Variants in ARVCF observed in about 807,000 individuals in gnomAD.
ARVCF encodes splicing regulator ARVCF.
A neutral mutation model predicts 90.9 loss-of-function variants in ARVCF; 66 were observed. The ratio of observed to expected loss-of-function variants is 0.73; its 90% CI spans 0.60 to 0.89. The LOEUF is 0.89. Among genes scored for constraint, ARVCF ranks in the 40% least tolerant of loss-of-function variants. The probability of loss-of-function intolerance (pLI) is 0.00; values close to 1 mark genes in which losing one functional copy is unlikely to be tolerated. For missense variants in ARVCF, 1,469 were observed against 1,382.3 expected (o/e 1.06, Z -1.00); for synonymous variants, 653 against 603.4 (o/e 1.08, Z -1.21).
downstream of ARVCF, chr22:19,967,572 C>A (rs1319333920): frequency 5.4e-6 from 2 of 367,454 alleles, no homozygotes; most frequent in Non-Finnish European, 1.1e-5. Context: ...CCGCCACCCA[C>A]CACCAGGACA....
chr22:20,004,836 C>T (rs1040430323), intron 2 of ARVCF, among the ~76,000 whole-genome samples: 3 of 152,178 alleles, frequency 2.0e-5, no homozygotes, highest in African/African-American at 7.2e-5. Context: ...TGGATACACA[C>T]ACGTAAATGA....
chr22:19,967,142 C>A (rs1242890164), downstream of ARVCF: 2 of 1,298,932 alleles, frequency 1.5e-6, no homozygotes, highest in Non-Finnish European at 2.0e-6. Context: ...TTCCCTCCTT[C>A]TTTCCTGTTT....
intron 2 of ARVCF, among the ~76,000 whole-genome samples, chr22:19,999,385 T>C (rs1222583288): frequency 6.6e-6 from 1 of 152,182 alleles, no homozygotes; most frequent in Non-Finnish European, 1.5e-5. Context: ...CATCCTTTTG[T>C]AGGCAAATCT....
chr22:20,011,095 C>G (rs2238794), intron 1 of ARVCF, among the ~76,000 whole-genome samples: 49,483 of 152,156 alleles, frequency 0.33, 8,482 homozygotes, highest in Middle Eastern at 0.39. Flanking sequence ...AACCATTTGT[C>G]TGGGATGGGG....
At chr22:19,980,321 T>C in intron 5 of ARVCF, 79 bp from the exon 6 acceptor site, 1 of 1,459,544 alleles carries the variant, frequency 6.9e-7, no homozygotes, top group South Asian at 1.4e-5. Context: ...TCACACCTTC[T>C]TCAGGACTGC....
At position 19,970,095 on chromosome 22, in the gene ARVCF, G is replaced by C. The variant is rs372019676; in HGVS notation, c.*661C>G. On this transcript the variant is annotated 3_prime_UTR_variant, in exon 20 of 20. Transcript: ENST00000263207. ...TGCTGCCCAGGCTCCAGGCAGATGC[G>C]GCAGCCCCGGCCCCAGCCAGCATGG... The C allele has an allele frequency of 1.2e-4, 118 of 985,398 alleles. No individual in the cohort carries two copies. The highest frequency in any genetic ancestry group is 1.4e-4 in the Non-Finnish European group (116 of 829,952). 61.0% of individuals were successfully genotyped at this position (985,398 alleles called of 1,614,324 possible). A position where few individuals can be genotyped will look rare whatever the true frequency, so the allele number is the denominator to read the frequency against.
intron 18 of ARVCF, 50 bp from the exon 19 acceptor site, chr22:19,971,385 A>AGGG: frequency 6.6e-7 from 1 of 1,521,960 alleles, no homozygotes; most frequent in Non-Finnish European, 8.8e-7. Context: ...GGTTAGTTAG[A>AGGG]GCTCCTGGGG....
rs1452460391 is a variant in ARVCF at position 19,976,691 on chromosome 22, TA to T, written c.1888+14del. Reference sequence around the variant, plus strand: ...CACACGCCAGGCCTGGAGAGCAGGATAAAAAGGGACTCACCTTGGTGGAACC... The same window carrying T: ...CACACGCCAGGCCTGGAGAGCAGGATAAAAGGGACTCACCTTGGTGGAACC... On this transcript the variant is annotated intron_variant, in intron 10 of 19. Transcript: ENST00000263207. 1 of 1,557,070 alleles carries T rather than the reference TA, an allele frequency of 6.4e-7. No individual in the cohort carries two copies.
chr22:19,978,871 G>T (rs1943315060), intron 7 of ARVCF, 26 bp downstream of exon 7: 2 of 1,592,568 alleles, frequency 1.3e-6, no homozygotes, highest in African/African-American at 2.7e-5. Flanking sequence ...GTGCATGTGG[G>T]CTTTAGCACC....
At chr22:19,972,236 C>T in intron 17 of ARVCF, 122 bp downstream of exon 17, 1 of 1,367,172 alleles carries the variant, frequency 7.3e-7, no homozygotes, top group Non-Finnish European at 1.0e-6. Context: ...CCTCTAAGCA[C>T]CCCTAAACCA....
chr22:19,969,797 G>A (rs1601553046), downstream of ARVCF: 1 of 976,720 alleles, frequency 1.0e-6, no homozygotes, highest in African/African-American at 1.7e-5. Context: ...GGGCACCTGG[G>A]ACCACCTCCA....
chr22:19,966,268 T>TAG (rs1942383004), downstream of ARVCF, among the ~76,000 whole-genome samples: 1 of 152,034 alleles, frequency 6.6e-6, no homozygotes, highest in Non-Finnish European at 1.5e-5. Context: ...TGTGAGGGTC[T>TAG]AGCCATCCCC....
chr22:19,975,090 C>T (rs1338459887), intron 11 of ARVCF, among the ~76,000 whole-genome samples: 1 of 152,192 alleles, frequency 6.6e-6, no homozygotes, highest in Non-Finnish European at 1.5e-5. Context: ...GCACACTCCC[C>T]GCTGGGGTAT....
intron 2 of ARVCF, among the ~76,000 whole-genome samples, chr22:20,010,059 C>T (rs369348391): frequency 2.6e-5 from 4 of 152,208 alleles, no homozygotes; most frequent in African/African-American, 7.2e-5. Flanking sequence ...GGGGGGCAAG[C>T]GAATGGCCTG....
In ARVCF at chr22:19,971,958, C is replaced by T. The variant is rs748522405; in HGVS notation, c.2709G>A (p.Thr903=). 17 of 1,610,790 alleles carry T rather than the reference C, an allele frequency of 1.1e-5. No homozygotes were observed. In the East Asian group the frequency reaches 2.0e-4, roughly 19 times the overall value. ...GTGGCCTCCGCTCCCTCCGGTCCAC[C>T]GTGGAGTATCCGTCTGTAGATGGGG... ...MDALGPDGYS[T]VDRRERRPRG... is the part of the protein sequence containing the mutation. Residue 903 remains threonine (T), a synonymous_variant, in exon 18 of 20, where the codon ACG becomes ACA. Coordinates refer to ENST00000263207, the MANE Select transcript of ARVCF (RefSeq NM_001670.3).
At chr22:19,981,186 C>G (rs1943471879) in intron 5 of ARVCF, 25 bp downstream of exon 5, 1 of 1,495,320 alleles carries the variant, frequency 6.7e-7, no homozygotes, top group African/African-American at 1.4e-5. Context: ...GAGGAGGTAG[C>G]CACAGGGGAC....
Position 19,973,030 on chromosome 22 carries a change from C to T in ARVCF, c.2445G>A (p.Ser815=), listed in dbSNP as rs1942918780. Residue 815 remains serine, a synonymous_variant, in exon 15 of 20, where the codon TCG becomes TCA. Transcript: ENST00000263207. ...GTGACGCCGCCTTCGCTTCGCGTAC[C>T]GATTGGCTGTGGGGCCGGGGGCGGG... is the stretch of plus-strand genomic sequence containing the variant. ...ALVALVASSQ[S]VREAKAASHV... is the part of the protein sequence containing the mutation. 2 of 1,613,022 alleles carry T rather than the reference C, an allele frequency of 1.2e-6. No homozygotes were observed. The highest frequency in any genetic ancestry group is 1.7e-6 in the Non-Finnish European group (2 of 1,179,942).
intron 2 of ARVCF, among the ~76,000 whole-genome samples, chr22:20,005,293 C>G (rs1346653243): frequency 1.3e-5 from 2 of 151,614 alleles, no homozygotes; most frequent in Non-Finnish European, 2.9e-5. Flanking sequence ...AAAAAATTTG[C>G]TCAACATTTC....
At chr22:19,988,096 G>A (rs939307029) in intron 3 of ARVCF, among the ~76,000 whole-genome samples, 1 of 152,238 alleles carries the variant, frequency 6.6e-6, no homozygotes, top group Non-Finnish European at 1.5e-5. Flanking sequence ...CTCGGGCCCA[G>A]GCCTCCCACT....
Sources: gnomAD v4.1 joint callset for allele counts (sites outside exome capture counted in the v4.1 genomes callset) on GRCh38, gnomAD v4.1.1 for gene constraint, MANE v1.5 for transcripts, NCBI Gene and HGNC (gene_info 2026-07-23, HGNC 2026-07-21) for gene names.